PLEKHA3: variants seen among roughly 807,000 people sequenced by gnomAD.
PLEKHA3 encodes the protein pleckstrin homology domain containing A3, also known as pleckstrin homology domain-containing family A member 3.
A neutral mutation model predicts 39.2 loss-of-function variants in PLEKHA3; 19 were observed. The ratio of observed to expected loss-of-function variants is 0.48; its 90% CI spans 0.34 to 0.71. The LOEUF (loss-of-function observed/expected upper bound fraction) is 0.71. Ranked by LOEUF, PLEKHA3 falls within the 30% of genes least tolerant of loss-of-function variation. The probability of loss-of-function intolerance (pLI) is 0.01; values close to 1 mark genes in which losing one functional copy is unlikely to be tolerated. For synonymous variants in PLEKHA3, 97 were observed against 118.6 expected, an observed-to-expected ratio of 0.82 and a Z score of 1.18; for missense variants, 253 against 359.5, an observed-to-expected ratio of 0.70 and a Z score of 2.40.
chr2:178,484,546 G>A (rs1685218155), intron 1 of PLEKHA3, among the ~76,000 whole-genome samples: 1 of 152,064 alleles, frequency 6.6e-6, no homozygotes, highest in Admixed American at 6.6e-5. Context: ...CTCCCCTCTC[G>A]GCACTATCTG....
At chr2:178,484,858 A>G (rs919097666) in intron 1 of PLEKHA3, among the ~76,000 whole-genome samples, 3 of 152,238 alleles carry the variant, frequency 2.0e-5, no homozygotes, top group African/African-American at 2.4e-5. Context: ...CAGCTTTGGC[A>G]TGGAGCCAAG....
At position 178,505,108 on chromosome 2, in the gene PLEKHA3, C is replaced by T. The variant is rs1269583169; in HGVS notation, c.*1221C>T. ...TACATTCATTGATATTCTGTCTAAT[C>T]TTTATTAGGCACTAATATAATTCTA... On this transcript the variant is annotated 3_prime_UTR_variant, in exon 8 of 8. Coordinates refer to ENST00000234453, the MANE Select transcript of PLEKHA3 (RefSeq NM_019091.4). 3 of 152,288 alleles carry T rather than the reference C, an allele frequency of 2.0e-5. No individual in the cohort carries two copies. The highest frequency in any genetic ancestry group is 4.4e-5 in the Non-Finnish European group (3 of 67,860). The allele number at this position is 152,288 out of a possible 1,614,324, so 9.4% of individuals were successfully genotyped here.
chr2:178,491,909 C>T (rs181706168), intron 3 of PLEKHA3, among the ~76,000 whole-genome samples: 6 of 151,914 alleles, frequency 3.9e-5, no homozygotes, highest in Non-Finnish European at 7.4e-5. Context: ...GAGGCAGCCT[C>T]GATTTATAAC....
chr2:178,488,570 G>T (rs1334490705), intron 2 of PLEKHA3, among the ~76,000 whole-genome samples: 2 of 151,974 alleles, frequency 1.3e-5, no homozygotes, highest in Non-Finnish European at 2.9e-5. Context: ...CCCTGTTTTT[G>T]TTGTTGTTGT....
chr2:178,499,670 A>G (rs1685499308), intron 6 of PLEKHA3, among the ~76,000 whole-genome samples: 1 of 152,140 alleles, frequency 6.6e-6, no homozygotes, highest in Non-Finnish European at 1.5e-5. Flanking sequence ...ACAGTCACCC[A>G]CAACATTCAG....
rs1213612801 is a variant in PLEKHA3, at chr2:178,506,113, A to C, written c.*2226A>C. On this transcript the variant is annotated 3_prime_UTR_variant, in exon 8 of 8. Transcript: ENST00000234453. ...TAAGAAAAAGATGAACCATATAACA[A>C]TTCTGTAAGAATTTTAGCTTGTCAA... 1 of 152,176 alleles carries C rather than the reference A, an allele frequency of 6.6e-6. No individual in the cohort carries two copies. The highest frequency in any genetic ancestry group is 6.6e-5 in the Admixed American group (1 of 15,266). The allele number at this position is 152,176 out of a possible 1,614,324, so 9.4% of individuals were successfully genotyped here.
rs1220856111 is a variant in PLEKHA3 at position 178,502,595 on chromosome 2, T to G, written c.776-1165T>G. 3 of 152,098 alleles carry G rather than the reference T, an allele frequency of 2.0e-5. No homozygotes were observed. The Admixed American group carries it at 2.1e-4, about 11-fold the overall frequency. The allele number at this position is 152,098 out of a possible 1,614,324, so 9.4% of individuals were successfully genotyped here. A position where few individuals can be genotyped will look rare whatever the true frequency, so the allele number is the denominator to read the frequency against. ...CCTTGTAGTTTTAAGTGCGACATCT[T>G]TTTTTTTTTTTAAGGGGATCATTTG... On this transcript the variant is annotated intron_variant, in intron 7 of 7. Coordinates refer to ENST00000234453, the MANE Select transcript of PLEKHA3 (RefSeq NM_019091.4).
intron 5 of PLEKHA3, among the ~76,000 whole-genome samples, chr2:178,497,241 C>A (rs897008274): frequency 1.3e-5 from 2 of 151,060 alleles, no homozygotes; most frequent in South Asian, 4.2e-4. Context: ...TATATATTTT[C>A]TTTTTTTGAA....
chr2:178,509,190 T>C lies in PLEKHA3; in HGVS notation c.*5303T>C, dbSNP rs1685646196. On this transcript the variant is annotated 3_prime_UTR_variant, in exon 8 of 8. Transcript: ENST00000234453. ...ATTCCTTTAATATCTTTTGGTGGTTTGGAGGTAGAGGAAATAAATTCATGT... is the reference window on the plus strand; with the variant it reads ...ATTCCTTTAATATCTTTTGGTGGTTCGGAGGTAGAGGAAATAAATTCATGT... 6.6e-6 allele frequency: 1 copy of C among 152,234 alleles called. No homozygotes were observed. Among genetic ancestry groups the C allele is most frequent in the South Asian group, 2.1e-4 (1 of 4,834 alleles). The allele number at this position is 152,234 out of a possible 1,614,324, so 9.4% of individuals were successfully genotyped here.
Position 178,485,852 on chromosome 2 carries a change from G to A in PLEKHA3, c.157+95G>A, listed in dbSNP as rs535626591. The A allele has an allele frequency of 2.8e-5, 24 of 858,356 alleles. No homozygotes were observed. In the African/African-American group the frequency reaches 2.8e-4, roughly 10 times the overall value. The allele number at this position is 858,356 out of a possible 1,614,324, so 53.2% of individuals were successfully genotyped here. ...GAGGAAAAAAAGCATTTCTAACCAC[G>A]TAGGGATCATCTAATACCATTTATA... On this transcript the variant is annotated intron_variant, in intron 2 of 7. Coordinates refer to ENST00000234453, the MANE Select transcript of PLEKHA3 (RefSeq NM_019091.4).
At chr2:178,482,985 C>A (rs906653936) in intron 1 of PLEKHA3, among the ~76,000 whole-genome samples, 3 of 152,044 alleles carry the variant, frequency 2.0e-5, no homozygotes, top group African/African-American at 7.3e-5. Context: ...TGTTCAGGCA[C>A]GGTGGCTCAT....
rs753782960 is a variant in PLEKHA3, at chr2:178,503,964, A to C, written c.*77A>C. On this transcript the variant is annotated 3_prime_UTR_variant, in exon 8 of 8. Transcript: ENST00000234453. ...TAATTAAACTATTGTTATAGGGAGT[A>C]GTTTTTTCCCTTAGGACTCTGCACT... The C allele has an allele frequency of 8.8e-5, 135 of 1,535,536 alleles. No individual in the cohort carries two copies. Among genetic ancestry groups the C allele is most frequent in the Non-Finnish European group, 1.2e-4 (131 of 1,120,462 alleles).
At chr2:178,495,360 G>A in intron 4 of PLEKHA3, 136 bp from the exon 5 acceptor site, 1 of 798,320 alleles carries the variant, frequency 1.3e-6, no homozygotes, top group Non-Finnish European at 1.9e-6. Flanking sequence ...ATTTTCTAAG[G>A]TACTGTATTT....
In PLEKHA3 at chr2:178,482,371, A is replaced by T. The variant is rs1685180834; in HGVS notation, c.40+1462A>T. 3.3e-5 allele frequency among the ~76,000 whole-genome samples: 5 copies of T among 151,892 alleles called. No homozygotes were observed. The South Asian group carries it at 8.3e-4, about 25-fold the overall frequency. On this transcript the variant is annotated intron_variant, in intron 1 of 7. Coordinates refer to ENST00000234453, the MANE Select transcript of PLEKHA3 (RefSeq NM_019091.4). Reference sequence around the variant, plus strand: ...GGGAGACGTGGTCTCTACTAAAAAAACAAAAACAAAAACAAAAAACAGCTA... The same window carrying T: ...GGGAGACGTGGTCTCTACTAAAAAATCAAAAACAAAAACAAAAAACAGCTA...
intron 2 of PLEKHA3, among the ~76,000 whole-genome samples, chr2:178,489,337 A>G (rs1277834158): frequency 6.6e-6 from 1 of 152,114 alleles, no homozygotes; most frequent in Non-Finnish European, 1.5e-5. Context: ...CAATATTTAT[A>G]GCAATTAATT....
At chr2:178,484,559 C>A (rs1467359719) in intron 1 of PLEKHA3, among the ~76,000 whole-genome samples, 2 of 152,098 alleles carry the variant, frequency 1.3e-5, no homozygotes, top group African/African-American at 4.8e-5. Flanking sequence ...ACTATCTGAC[C>A]CTGGAAAGAT....
At position 178,510,894 on chromosome 2, in the gene PLEKHA3, T is replaced by C. The variant is rs945721452; in HGVS notation, c.*7007T>C. 3.3e-5 allele frequency: 5 copies of C among 152,250 alleles called. No individual in the cohort carries two copies. The highest frequency in any genetic ancestry group is 1.2e-4 in the African/African-American group (5 of 41,472). The allele number at this position is 152,250 out of a possible 1,614,324, so 9.4% of individuals were successfully genotyped here. Reference sequence around the variant, plus strand: ...TCAAAGTGTTTTGGGGAACATTTAATTTAAATACTATGTTCAATTTTTTTA... The same window carrying C: ...TCAAAGTGTTTTGGGGAACATTTAACTTAAATACTATGTTCAATTTTTTTA... On this transcript the variant is annotated 3_prime_UTR_variant, in exon 8 of 8. Transcript: ENST00000234453.
Position 178,507,858 on chromosome 2 carries a change from C to A in PLEKHA3, c.*3971C>A, listed in dbSNP as rs985827388. 3.9e-5 allele frequency: 6 copies of A among 153,346 alleles called. No homozygotes were observed. Among genetic ancestry groups the A allele is most frequent in the African/African-American group, 1.5e-4 (6 of 41,332 alleles). The allele number at this position is 153,346 out of a possible 1,614,324, so 9.5% of individuals were successfully genotyped here. On this transcript the variant is annotated 3_prime_UTR_variant, in exon 8 of 8. Coordinates refer to ENST00000234453, the MANE Select transcript of PLEKHA3 (RefSeq NM_019091.4). ...AGGGCAACATTTCATTGTCTTAAGG[C>A]ATTTAGTTTTTCTGTGAGAATTCTG... is the stretch of plus-strand genomic sequence containing the variant.
At chr2:178,501,377 G>T (rs1685527930) in intron 7 of PLEKHA3, among the ~76,000 whole-genome samples, 1 of 151,974 alleles carries the variant, frequency 6.6e-6, no homozygotes, top group Non-Finnish European at 1.5e-5. Context: ...TAACTAAGGA[G>T]TGCTGAGGAT....
Sources: gnomAD v4.1 joint callset for allele counts (sites outside exome capture counted in the v4.1 genomes callset) on GRCh38, gnomAD v4.1.1 for gene constraint, MANE v1.5 for transcripts, NCBI Gene and HGNC (gene_info 2026-07-23, HGNC 2026-07-21) for gene names.